Variants in TOP6BL observed in about 807,000 individuals in gnomAD.
TOP6BL encodes TOP6B like initiator of meiotic double strand breaks, also known as type 2 DNA topoisomerase 6 subunit B-like.
chr11:66,825,165 G>T, the TOP6BL span, among the ~76,000 whole-genome samples: 1 of 151,228 alleles, frequency 6.6e-6, no homozygotes, highest in Non-Finnish European at 1.5e-5. Context: ...TGCCCAGCCG[G>T]ATTAGTGCCT....
At chr11:66,805,693 G>A in the TOP6BL span, among the ~76,000 whole-genome samples, 2 of 152,118 alleles carry the variant, frequency 1.3e-5, no homozygotes, top group African/African-American at 2.4e-5. Flanking sequence ...GGACTCAAGC[G>A]ATCCACCAGG....
chr11:66,840,377 T>G, the TOP6BL span, among the ~76,000 whole-genome samples: 3 of 152,330 alleles, frequency 2.0e-5, no homozygotes, highest in East Asian at 5.8e-4. Context: ...CTCATCAGTG[T>G]GGGGACCCAT....
the TOP6BL span, among the ~76,000 whole-genome samples, chr11:66,780,873 C>T: frequency 5.9e-5 from 9 of 152,174 alleles, no homozygotes; most frequent in Non-Finnish European, 1.2e-4. Flanking sequence ...TGAGCCACCG[C>T]GCGTGGACCT....
chr11:66,817,118 A>C, the TOP6BL span, among the ~76,000 whole-genome samples: 2 of 152,132 alleles, frequency 1.3e-5, no homozygotes, highest in African/African-American at 4.8e-5. Flanking sequence ...GTACCACTGC[A>C]CTTCAGCCTG....
the TOP6BL span, among the ~76,000 whole-genome samples, chr11:66,812,117 C>T: frequency 2.0e-5 from 3 of 152,064 alleles, no homozygotes; most frequent in South Asian, 2.1e-4. Context: ...ATGATTTAAA[C>T]AACCCAATTA....
chr11:66,745,040 GA>G, the TOP6BL span: 1 of 1,040,336 alleles, frequency 9.6e-7, no homozygotes, highest in East Asian at 3.3e-5. Flanking sequence ...GAAGGTTCGG[GA>G]ATCGAGGCCC....
At chr11:66,759,775 G>A in the TOP6BL span, among the ~76,000 whole-genome samples, 1 of 152,078 alleles carries the variant, frequency 6.6e-6, no homozygotes. Flanking sequence ...GTAGAGATGG[G>A]GTTTCACCGT....
At chr11:66,819,453 G>C in the TOP6BL span, among the ~76,000 whole-genome samples, 1 of 152,164 alleles carries the variant, frequency 6.6e-6, no homozygotes, top group South Asian at 2.1e-4. Context: ...GCAATATTTT[G>C]AAACTGTACA....
chr11:66,780,365 C>A, the TOP6BL span, among the ~76,000 whole-genome samples: 1 of 152,126 alleles, frequency 6.6e-6, no homozygotes, highest in Non-Finnish European at 1.5e-5. Context: ...TCATTTCTTC[C>A]TTTATAGCTG....
the TOP6BL span, among the ~76,000 whole-genome samples, chr11:66,761,227 C>T: frequency 5.3e-5 from 8 of 151,944 alleles, no homozygotes; most frequent in South Asian, 2.1e-4. Context: ...AAAAATTAGC[C>T]GGGCGTGGTG....
At chr11:66,761,570 C>T in the TOP6BL span, 2 of 1,123,860 alleles carry the variant, frequency 1.8e-6, no homozygotes, top group South Asian at 1.6e-5. Context: ...CAGTGTCTGT[C>T]TGCTCTACTG....
chr11:66,776,403 G>A, the TOP6BL span, among the ~76,000 whole-genome samples: 1 of 152,216 alleles, frequency 6.6e-6, no homozygotes, highest in South Asian at 2.1e-4. Flanking sequence ...GAATAGAATA[G>A]TACTAGTATT....
the TOP6BL span, among the ~76,000 whole-genome samples, chr11:66,821,221 T>C: frequency 6.6e-6 from 1 of 152,162 alleles, no homozygotes; most frequent in African/African-American, 2.4e-5. Flanking sequence ...GTACTCAGTA[T>C]TGGATTTAAA....
At chr11:66,825,119 C>G in the TOP6BL span, among the ~76,000 whole-genome samples, 3 of 151,784 alleles carry the variant, frequency 2.0e-5, no homozygotes, top group Admixed American at 2.0e-4. Flanking sequence ...CCGCCTTGGC[C>G]TCCCAAAGTG....
At chr11:66,796,212 A>G in the TOP6BL span, 4 of 1,179,610 alleles carry the variant, frequency 3.4e-6, no homozygotes, top group African/African-American at 6.1e-5. Flanking sequence ...AAGAGGAAAT[A>G]CCGTTTTAAT....
the TOP6BL span, among the ~76,000 whole-genome samples, chr11:66,834,889 G>A: frequency 7.9e-5 from 12 of 152,246 alleles, no homozygotes; most frequent in Non-Finnish European, 1.3e-4. Flanking sequence ...CAGAGACAGT[G>A]GGCCAGGAAG....
the TOP6BL span, among the ~76,000 whole-genome samples, chr11:66,793,826 G>A: frequency 2.0e-5 from 3 of 151,932 alleles, no homozygotes; most frequent in South Asian, 6.2e-4. Context: ...AACATTAAAA[G>A]GCCAGGTGCA....
the TOP6BL span, among the ~76,000 whole-genome samples, chr11:66,765,107 A>G: frequency 6.6e-6 from 1 of 152,212 alleles, no homozygotes; most frequent in African/African-American, 2.4e-5. Context: ...TGTTTGACTA[A>G]TATTTGTGAA....
chr11:66,801,071 G>A, the TOP6BL span: 2 of 1,613,958 alleles, frequency 1.2e-6, no homozygotes, highest in Non-Finnish European at 1.7e-6. Flanking sequence ...GAATGGAATT[G>A]CTCTTTTGGT....
Sources: allele counts gnomAD v4.1 joint callset (sites outside exome capture counted in the v4.1 genomes callset), GRCh38; gene constraint gnomAD v4.1.1; transcripts MANE v1.5; gene names NCBI Gene and HGNC (gene_info 2026-07-23, HGNC 2026-07-21).